Variants in CDH13 observed in about 807,000 individuals in gnomAD.
CDH13 encodes cadherin 13.
Under a neutral mutation model 63.8 loss-of-function variants are expected in CDH13, and 24 were observed. The ratio of observed to expected loss-of-function variants is 0.38; its 90% CI spans 0.27 to 0.53. The LOEUF is 0.53. Ranked by LOEUF, CDH13 falls within the 20% of genes least tolerant of loss-of-function variation. The pLI, the probability that CDH13 is intolerant of heterozygous loss-of-function variation, is 0.85. For synonymous variants in CDH13, 503 were observed against 355.3 expected (o/e 1.42, Z -4.67); for missense variants, 1,049 against 903.1 (o/e 1.16, Z -2.07).
intron 3 of CDH13, among the ~76,000 whole-genome samples, chr16:83,084,034 A>G (rs1028121923): frequency 1.6e-4 from 24 of 152,146 alleles, no homozygotes; most frequent in East Asian, 1.2e-3. Flanking sequence ...TTTTTACTAC[A>G]CTTTGTGGCC....
At chr16:83,565,561 G>C (rs933459618) in intron 7 of CDH13, among the ~76,000 whole-genome samples, 1 of 151,962 alleles carries the variant, frequency 6.6e-6, no homozygotes, top group Non-Finnish European at 1.5e-5. Context: ...TGAGAGGAAG[G>C]ACAAGGCAGT....
At chr16:83,650,769 T>G (rs936012452) in intron 8 of CDH13, among the ~76,000 whole-genome samples, 1 of 152,166 alleles carries the variant, frequency 6.6e-6, no homozygotes, top group Non-Finnish European at 1.5e-5. Flanking sequence ...ACGATTAGAT[T>G]ACAATTCGAA....
intron 3 of CDH13, among the ~76,000 whole-genome samples, chr16:83,063,635 C>T (rs1027496528): frequency 6.6e-6 from 1 of 152,180 alleles, no homozygotes; most frequent in Non-Finnish European, 1.5e-5. Flanking sequence ...TGTTGTTTAT[C>T]TCTACTAGTT....
At chr16:83,254,947 TTC>T (rs1421807937) in intron 5 of CDH13, among the ~76,000 whole-genome samples, 1 of 19,500 alleles carries the variant, frequency 5.1e-5, no homozygotes, top group Non-Finnish European at 1.3e-4. Flanking sequence ...TTTTTTCTTT[TTC>T]TCTTTCTTTC....
At chr16:83,051,158 G>A (rs2030288685) in intron 3 of CDH13, among the ~76,000 whole-genome samples, 2 of 152,292 alleles carry the variant, frequency 1.3e-5, no homozygotes, top group South Asian at 4.1e-4. Flanking sequence ...TTCAAAGGCT[G>A]TCAGTCTTCC....
intron 4 of CDH13, among the ~76,000 whole-genome samples, chr16:83,133,177 A>T (rs796253933): frequency 7.9e-5 from 12 of 152,354 alleles, no homozygotes; most frequent in African/African-American, 2.4e-4. Context: ...TTGGCAGTTG[A>T]ATGTACCTTT....
At chr16:83,008,713 A>G (rs1331420452) in intron 2 of CDH13, among the ~76,000 whole-genome samples, 1 of 152,196 alleles carries the variant, frequency 6.6e-6, no homozygotes, top group African/African-American at 2.4e-5. Context: ...GCAGAAGATC[A>G]TGGTGGCCTG....
chr16:82,840,121 C>G (rs192779797), intron 1 of CDH13, among the ~76,000 whole-genome samples: 19 of 152,152 alleles, frequency 1.2e-4, no homozygotes, highest in African/African-American at 3.6e-4. Flanking sequence ...ACCACCTTCC[C>G]CACAATGAAA....
intron 1 of CDH13, among the ~76,000 whole-genome samples, chr16:82,679,203 C>A (rs1880576181): frequency 6.6e-6 from 1 of 152,142 alleles, no homozygotes; most frequent in African/African-American, 2.4e-5. Context: ...TGTAAGGAGT[C>A]TGAGAAGCTC....
intron 1 of CDH13, among the ~76,000 whole-genome samples, chr16:82,843,898 G>A (rs568246626): frequency 3.3e-5 from 5 of 152,314 alleles, no homozygotes; most frequent in South Asian, 2.1e-4. Flanking sequence ...TGAGGTCTTC[G>A]TTTAGGCTTT....
intron 1 of CDH13, among the ~76,000 whole-genome samples, chr16:82,762,003 T>C (rs952489321): frequency 6.6e-6 from 1 of 152,222 alleles, no homozygotes; most frequent in African/African-American, 2.4e-5. Context: ...AATGGCAATT[T>C]AAGCACTTGA....
At chr16:83,479,053 T>C (rs1268452648) in intron 6 of CDH13, among the ~76,000 whole-genome samples, 1 of 152,214 alleles carries the variant, frequency 6.6e-6, no homozygotes, top group Admixed American at 6.5e-5. Context: ...TGGTTATCTT[T>C]CATCAACTAG....
chr16:82,817,798 C>T (rs2037797066), intron 1 of CDH13, among the ~76,000 whole-genome samples: 1 of 152,060 alleles, frequency 6.6e-6, no homozygotes, highest in African/African-American at 2.4e-5. Flanking sequence ...GAGTGAGACT[C>T]CATCTCAAAA....
intron 2 of CDH13, among the ~76,000 whole-genome samples, chr16:83,017,739 A>G (rs1005669204): frequency 5.9e-5 from 9 of 152,182 alleles, no homozygotes; most frequent in African/African-American, 2.2e-4. Context: ...AGTGACTTGA[A>G]TATATAGGGA....
chr16:83,646,712 A>AAAAAAAAAAAC (rs1168012793), intron 8 of CDH13, among the ~76,000 whole-genome samples: 13 of 80,522 alleles, frequency 1.6e-4, no homozygotes, highest in East Asian at 4.6e-4. Flanking sequence ...AAAAAAAAAA[A>AAAAAAAAAAAC]ACACACACAC....
At chr16:83,373,864 G>A (rs549073543) in intron 6 of CDH13, among the ~76,000 whole-genome samples, 66 of 152,212 alleles carry the variant, frequency 4.3e-4, no homozygotes, top group African/African-American at 1.2e-3. Context: ...AGAGAGCCTC[G>A]TGGGAGGAAC....
At chr16:83,203,026 G>C (rs1597508416) in intron 4 of CDH13, among the ~76,000 whole-genome samples, 1 of 151,746 alleles carries the variant, frequency 6.6e-6, no homozygotes, top group Non-Finnish European at 1.5e-5. Context: ...ACAAGTTCGA[G>C]ACCAGCCTGA....
chr16:82,666,411 A>G (rs1467167287), intron 1 of CDH13, among the ~76,000 whole-genome samples: 2 of 152,318 alleles, frequency 1.3e-5, no homozygotes, highest in South Asian at 2.1e-4. Context: ...TCCCTCTCCA[A>G]TCAATGGATG....
chr16:83,705,999 A>G (rs1242477822), intron 10 of CDH13, among the ~76,000 whole-genome samples: 1 of 151,986 alleles, frequency 6.6e-6, no homozygotes, highest in Non-Finnish European at 1.5e-5. Flanking sequence ...TGGAAACAAC[A>G]TCGTTTTCGT....
Sources: gnomAD v4.1 joint callset for allele counts (sites outside exome capture counted in the v4.1 genomes callset) on GRCh38, gnomAD v4.1.1 for gene constraint, MANE v1.5 for transcripts, NCBI Gene and HGNC (gene_info 2026-07-23, HGNC 2026-07-21) for gene names.